The following NCAPD2 variants were observed in gnomAD, a reference collection of about 807,000 sequenced individuals.
The protein encoded by NCAPD2 is non-SMC condensin I complex subunit D2.
NCAPD2 carries 100 observed loss-of-function variants against 164.5 expected under a neutral mutation model. That is an observed-to-expected ratio of 0.61 (90% CI 0.52 to 0.72). NCAPD2 has a LOEUF of 0.72. Ranked by LOEUF, NCAPD2 falls within the 30% of genes least tolerant of loss-of-function variation. NCAPD2 has a pLI of 0.00. For missense variants in NCAPD2, 1,560 were observed against 1,749.2 expected (o/e 0.89, Z 1.93); for synonymous variants, 585 against 642.6 (o/e 0.91, Z 1.36).
At chr12:6,523,403 T>TTTTG in intron 17 of NCAPD2, 57 bp downstream of exon 17, 4 of 1,417,418 alleles carry the variant, frequency 2.8e-6, no homozygotes, top group East Asian at 2.3e-5. Context: ...TGGTTGTTTT[T>TTTTG]TTTTTTTTTT....
At position 6,510,792 on chromosome 12, in the gene NCAPD2, C is replaced by T. The variant is rs1321040079; in HGVS notation, c.426C>T (p.Asp142=). ...TGGCCAGCCAGACAAACCTTGTGGA[C>T]CTGGACCTTGGTGGGAAGGTAATTT... ...ETMASQTNLV[D]LDLGGKGKKA... is the part of the protein sequence containing the mutation. The change falls in exon 5 of 32, where the codon GAC becomes GAT. Residue 142 remains aspartate, a synonymous_variant. Transcript: ENST00000315579. 2 of 1,614,022 alleles carry T rather than the reference C, an allele frequency of 1.2e-6. No homozygotes were observed. Among genetic ancestry groups the T allele is most frequent in the Non-Finnish European group, 1.7e-6 (2 of 1,179,992 alleles).
At chr12:6,509,385 C>A (rs1360572965) in intron 2 of NCAPD2, among the ~76,000 whole-genome samples, 1 of 152,118 alleles carries the variant, frequency 6.6e-6, no homozygotes, top group Non-Finnish European at 1.5e-5. Flanking sequence ...CCTCAGCCTC[C>A]CTAGTAGCTG....
intron 2 of NCAPD2, among the ~76,000 whole-genome samples, chr12:6,504,220 T>TATATACACAC (rs1565539620): frequency 3.9e-5 from 1 of 25,356 alleles, no homozygotes; most frequent in Non-Finnish European, 6.2e-5. Flanking sequence ...TATATATAGA[T>TATATACACAC]ATAGATATAT....
rs747140063 is a variant in NCAPD2, at chr12:6,521,824, A to G, written c.1741A>G (p.Asn581Asp). 1.9e-6 allele frequency: 3 copies of G among 1,613,954 alleles called. No homozygotes were observed. In the East Asian group the frequency reaches 6.7e-5, roughly 36 times the overall value. ...KGPAASTQEKNPRESTGNMVT... is the reference protein window; with the variant it reads ...KGPAASTQEKDPRESTGNMVT... ...CCCAGCAGCTTCCACACAAGAAAAG[A>G]ATCCCCGGGAGTCTACAGGAAACAT... The change falls in exon 15 of 32, where the codon AAT becomes GAT. Residue 581 changes from asparagine (N) to aspartate (D), a missense_variant. Asn to Asp is a conservative substitution (Grantham distance 23). Coordinates refer to ENST00000315579, the MANE Select transcript of NCAPD2 (RefSeq NM_014865.4).
intron 17 of NCAPD2, among the ~76,000 whole-genome samples, chr12:6,524,518 G>C (rs573533659): frequency 1.3e-5 from 2 of 151,846 alleles, no homozygotes; most frequent in Admixed American, 1.3e-4. Context: ...GTGTGGTGGT[G>C]GGCACCTGTA....
Position 6,521,114 on chromosome 12 carries a change from A to G in NCAPD2, c.1714+4A>G, listed in dbSNP as rs201263910. ...ATCTTAGGACTTATCTTCAAAGGTA[A>G]TCATTTTCCTTCTTCAGTCAATAAA... On this transcript the variant is annotated splice_donor_region_variant and intron_variant, in intron 14 of 31. Transcript: ENST00000315579. The G allele has an allele frequency of 5.6e-5, 90 of 1,613,018 alleles. No homozygotes were observed. The highest frequency in any genetic ancestry group is 9.4e-5 in the African/African-American group (7 of 74,852).
intron 2 of NCAPD2, among the ~76,000 whole-genome samples, chr12:6,504,216 T>TATACAC (rs1406807438): frequency 2.6e-4 from 6 of 23,222 alleles, no homozygotes; most frequent in Admixed American, 1.7e-3. Flanking sequence ...TATATATATA[T>TATACAC]AGATATAGAT....
At chr12:6,523,837 G>A (rs1431264536) in intron 17 of NCAPD2, among the ~76,000 whole-genome samples, 1 of 152,232 alleles carries the variant, frequency 6.6e-6, no homozygotes, top group Non-Finnish European at 1.5e-5. Context: ...AACATTTTTA[G>A]AACAATGCAG....
Position 6,529,028 on chromosome 12 carries a change from C to A in NCAPD2, c.3561C>A (p.His1187Gln), listed in dbSNP as rs758632306. The part of the protein sequence containing the change: ...PELGVEEEPF[H>Q]TIMKQLLSYI... ...TGGGGGTGGAGGAAGAGCCTTTCCA[C>A]ACCATCATGAAGTATTGCTCCCCGG... The change falls in exon 27 of 32, where the codon CAC becomes CAA. Residue 1187 changes from histidine (H) to glutamine (Q), a missense_variant. Transcript: ENST00000315579. The A allele has an allele frequency of 1.2e-6, 2 of 1,612,384 alleles. No individual in the cohort carries two copies. The highest frequency in any genetic ancestry group is 4.5e-5 in the East Asian group (2 of 44,894).
At chr12:6,521,379 A>G (rs993765633) in intron 14 of NCAPD2, among the ~76,000 whole-genome samples, 1 of 152,226 alleles carries the variant, frequency 6.6e-6, no homozygotes, top group Admixed American at 6.5e-5. Context: ...ATATCTTCAC[A>G]TTGTGAAAAG....
At chr12:6,510,197 T>G in intron 4 of NCAPD2, 64 bp downstream of exon 4, 1 of 1,495,294 alleles carries the variant, frequency 6.7e-7, no homozygotes, top group Non-Finnish European at 9.3e-7. Context: ...TTTGTCTGTT[T>G]GTTTGTTTTT....
At chr12:6,510,287 T>C in intron 4 of NCAPD2, 154 bp downstream of exon 4, 5 of 878,014 alleles carry the variant, frequency 5.7e-6, no homozygotes, top group Non-Finnish European at 9.7e-6. Flanking sequence ...ACCTTTGGCC[T>C]GTTAAAGGTC....
intron 6 of NCAPD2, among the ~76,000 whole-genome samples, chr12:6,511,574 C>T (rs1188203058): frequency 2.0e-5 from 3 of 152,102 alleles, no homozygotes; most frequent in Admixed American, 6.6e-5. Context: ...GGTGATCTCC[C>T]TGCTTTGGCC....
At chr12:6,496,613 C>T (rs1254656772) in intron 2 of NCAPD2, among the ~76,000 whole-genome samples, 3 of 151,270 alleles carry the variant, frequency 2.0e-5, no homozygotes, top group South Asian at 4.2e-4. Flanking sequence ...TCTGTAGAAA[C>T]AGTGTCTCCC....
intron 13 of NCAPD2, among the ~76,000 whole-genome samples, chr12:6,518,515 T>TG (rs1350342410): frequency 1.8e-5 from 2 of 109,240 alleles, no homozygotes; most frequent in Non-Finnish European, 3.7e-5. Context: ...TTTTTTTTTT[T>TG]TTTTTTTTTT....
Position 6,529,549 on chromosome 12 carries a change from A to G in NCAPD2, c.3609A>G (p.Thr1203=). The G allele has an allele frequency of 6.2e-7, 1 of 1,614,100 alleles. No homozygotes were observed. Among genetic ancestry groups the G allele is most frequent in the Non-Finnish European group, 8.5e-7 (1 of 1,179,944 alleles). The stretch of plus-strand genomic sequence containing the variant: ...CCTACATCACCAAGGACAAGCAGAC[A>G]GAGAGCCTGGTGGAAAAGCTGTGTC... The part of the protein sequence containing the change: ...LLSYITKDKQ[T]ESLVEKLCQR... Residue 1203 remains threonine, a synonymous_variant, in exon 28 of 32, where the codon ACA becomes ACG. Coordinates refer to ENST00000315579, the MANE Select transcript of NCAPD2 (RefSeq NM_014865.4).
intron 2 of NCAPD2, among the ~76,000 whole-genome samples, chr12:6,498,631 C>T (rs1051749859): frequency 5.3e-5 from 8 of 150,328 alleles, no homozygotes; most frequent in African/African-American, 1.7e-4. Context: ...TTTTTTGAGA[C>T]GGAGTCTTGC....
intron 13 of NCAPD2, among the ~76,000 whole-genome samples, chr12:6,518,504 G>GTTTTTTGTTTTTTTTTTTTTTTTTTTTT (rs1946226490): frequency 2.2e-5 from 1 of 44,774 alleles, no homozygotes; most frequent in African/African-American, 1.0e-4. Context: ...CCGTCAACAA[G>GTTTTTTGTTTTTTTTTTTTTTTTTTTTT]TTTTTTTTTT....
In NCAPD2 at chr12:6,531,505, T is replaced by A; in HGVS notation, c.*93T>A. 8.0e-7 allele frequency: 1 copy of A among 1,255,446 alleles called. No homozygotes were observed. Among genetic ancestry groups the A allele is most frequent in the Non-Finnish European group, 1.0e-6 (1 of 962,798 alleles). 77.8% of individuals were successfully genotyped at this position (1,255,446 alleles called of 1,614,324 possible). A position where few individuals can be genotyped will look rare whatever the true frequency, so the allele number is the denominator to read the frequency against. ...CCTTGTAAAATATTTGTCTGTCTCT[T>A]TTTTTTAAAAAAAAAAAAGGCCGGG... On this transcript the variant is annotated 3_prime_UTR_variant, in exon 32 of 32. Coordinates refer to ENST00000315579, the MANE Select transcript of NCAPD2 (RefSeq NM_014865.4). This position sits in a 1 kb window ranked among gnomAD's most constrained non-coding sequence, Gnocchi z 4.1.
Sources: gnomAD v4.1 joint callset for allele counts (sites outside exome capture counted in the v4.1 genomes callset) on GRCh38, gnomAD v4.1.1 for gene constraint, Gnocchi (gnomAD v3.1) non-coding constraint, MANE v1.5 for transcripts, NCBI Gene and HGNC (gene_info 2026-07-23, HGNC 2026-07-21) for gene names.